The following HNF4A variants were observed in gnomAD, a reference collection of about 807,000 sequenced individuals.
The protein encoded by HNF4A is hepatocyte nuclear factor 4 alpha.
Under a neutral mutation model 52.4 loss-of-function variants are expected in HNF4A, and 15 were observed. The ratio of observed to expected loss-of-function variants is 0.29; its 90% CI spans 0.19 to 0.44. The LOEUF is 0.44. Ranked by LOEUF, HNF4A falls within the 20% of genes least tolerant of loss-of-function variation. The pLI is 1.00. For synonymous variants in HNF4A, 280 were observed against 264.4 expected (o/e 1.06, Z -0.57); for missense variants, 479 against 647.2 (o/e 0.74, Z 2.82).
chr20:44,364,857 C>T (rs1178584364), intron 1 of HNF4A, among the ~76,000 whole-genome samples: 1 of 152,168 alleles, frequency 6.6e-6, no homozygotes, highest in Non-Finnish European at 1.5e-5. Context: ...GTTTATTGAC[C>T]TCTGTGGCAT....
intron 1 of HNF4A, among the ~76,000 whole-genome samples, chr20:44,394,442 G>T (rs2063334142): frequency 6.6e-6 from 1 of 152,104 alleles, no homozygotes; most frequent in African/African-American, 2.4e-5. Context: ...GTTGAAGCTG[G>T]GCCTGTGGAT....
intron 8 of HNF4A, among the ~76,000 whole-genome samples, chr20:44,425,050 T>A (rs1184113848): frequency 6.6e-6 from 1 of 152,226 alleles, no homozygotes; most frequent in Non-Finnish European, 1.5e-5. Context: ...GGCACAATCT[T>A]GGCTGACTGC....
In HNF4A at chr20:44,401,574, G is replaced by A. The variant is rs1285984685; in HGVS notation, c.115+87G>A. ...CAGATCTTTGGCACTCAACTTTGGG[G>A]TGGGAGGAGAATGATACAAAATGGT... On this transcript the variant is annotated intron_variant, in intron 1 of 9. Transcript: ENST00000316099. The A allele has an allele frequency of 2.6e-6, 4 of 1,518,476 alleles. No individual in the cohort carries two copies. The East Asian group carries it at 9.3e-5, about 35-fold the overall frequency. The allele number at this position is 1,518,476 out of a possible 1,614,324, so 94.1% of individuals were successfully genotyped here.
At position 44,430,352 on chromosome 20, in the gene HNF4A, C is replaced by CAAG. The variant is rs2063863873; in HGVS notation, c.*687_*688insAAG. ...TCTCCTCCAACCCAACCTCATCCTC[C>CAAG]TTCTTCAGGGACTTGGGTGGGTACT... is the stretch of plus-strand genomic sequence containing the variant. On this transcript the variant is annotated 3_prime_UTR_variant, in exon 10 of 10. Coordinates refer to ENST00000316099, the MANE Select transcript of HNF4A (RefSeq NM_000457.6). The CAAG allele has an allele frequency of 1.3e-5, 2 of 152,486 alleles. No individual in the cohort carries two copies. The highest frequency in any genetic ancestry group is 2.4e-5 in the African/African-American group (1 of 41,454). The allele number at this position is 152,486 out of a possible 1,614,324, so 9.4% of individuals were successfully genotyped here.
intron 1 of HNF4A, among the ~76,000 whole-genome samples, chr20:44,381,275 A>AG (rs2063149916): frequency 7.6e-6 from 1 of 131,770 alleles, no homozygotes; most frequent in African/African-American, 3.0e-5. Flanking sequence ...GGAATCAGTG[A>AG]GAGCTTTTTT....
chr20:44,423,767 G>A (rs746211376), intron 7 of HNF4A, among the ~76,000 whole-genome samples: 1 of 152,184 alleles, frequency 6.6e-6, no homozygotes, highest in Non-Finnish European at 1.5e-5. Context: ...CTCAAGTCCC[G>A]CCCTCCATCT....
intron 1 of HNF4A, chr20:44,390,774 G>A (rs2063293227): frequency 1.5e-6 from 1 of 661,310 alleles, no homozygotes; most frequent in Admixed American, 2.2e-5. Context: ...TGGGAGCAGT[G>A]TGGAGGATTT....
intron 1 of HNF4A, among the ~76,000 whole-genome samples, 183 bp from the exon 2 acceptor site, chr20:44,405,875 A>G (rs557161517): frequency 6.6e-6 from 1 of 152,178 alleles, no homozygotes; most frequent in Non-Finnish European, 1.5e-5. Context: ...AACCAGCCCC[A>G]GTTTACAGAT....
intron 3 of HNF4A, among the ~76,000 whole-genome samples, chr20:44,409,712 C>T (rs983998224): frequency 6.6e-6 from 1 of 152,138 alleles, no homozygotes; most frequent in Non-Finnish European, 1.5e-5. Flanking sequence ...TCTAGTTTTC[C>T]CATCTATAAA....
At chr20:44,392,773 C>A (rs1045673585) in intron 1 of HNF4A, among the ~76,000 whole-genome samples, 3 of 152,198 alleles carry the variant, frequency 2.0e-5, no homozygotes, top group Non-Finnish European at 4.4e-5. Context: ...CCCAAGGACA[C>A]ACAGTGGCTG....
Position 44,419,865 on chromosome 20 carries a change from T to G in HNF4A, c.881T>G (p.Phe294Cys). The change falls in exon 7 of 10, where the codon TTC becomes TGC. Residue 294 changes from phenylalanine (F) to cysteine (C), a missense_variant. Around this residue, in one of 3 missense-constraint regions of HNF4A, gnomAD observed 389 missense variants for 525.1 expected, o/e 0.74. Coordinates refer to ENST00000316099, the MANE Select transcript of HNF4A (RefSeq NM_000457.6). ...TATGCCTACCTCAAAGCCATCATCT[T>G]CTTTGACCCAGGTACAGTGCACACC... 6.2e-7 allele frequency: 1 copy of G among 1,614,134 alleles called. No homozygotes were observed. The highest frequency in any genetic ancestry group is 8.5e-7 in the Non-Finnish European group (1 of 1,180,002).
chr20:44,369,897 G>C (rs1476977776), intron 1 of HNF4A, among the ~76,000 whole-genome samples: 1 of 152,150 alleles, frequency 6.6e-6, no homozygotes, highest in Non-Finnish European at 1.5e-5. Context: ...CCTCCCGTGA[G>C]CCGCCGCGCC....
chr20:44,389,940 G>A (rs1268522324), intron 1 of HNF4A: 1 of 152,472 alleles, frequency 6.6e-6, no homozygotes, highest in Non-Finnish European at 1.5e-5. Context: ...GAGGGCAAAT[G>A]TGCAGTGTGG....
chr20:44,387,924 A>G (rs1438972459), intron 1 of HNF4A, among the ~76,000 whole-genome samples: 5 of 152,084 alleles, frequency 3.3e-5, no homozygotes, highest in Non-Finnish European at 5.9e-5. Context: ...TGAATAATTG[A>G]GAGAAGGTGG....
chr20:44,387,406 G>A (rs114151808), intron 1 of HNF4A, among the ~76,000 whole-genome samples: 243 of 151,358 alleles, frequency 1.6e-3, no homozygotes, highest in African/African-American at 5.6e-3. Context: ...CTGCTGATAG[G>A]GGTGGGGGCA....
chr20:44,373,822 TG>T (rs1370729494), intron 1 of HNF4A, among the ~76,000 whole-genome samples: 1 of 152,122 alleles, frequency 6.6e-6, no homozygotes, highest in African/African-American at 2.4e-5. Flanking sequence ...CCTGAGTAGC[TG>T]GAACTACAGG....
At chr20:44,428,024 C>T (rs2063832490) in intron 8 of HNF4A, among the ~76,000 whole-genome samples, 2 of 152,198 alleles carry the variant, frequency 1.3e-5, no homozygotes, top group African/African-American at 4.8e-5. Context: ...TTGATTACAT[C>T]CATTATGTTA....
rs140735921 is a variant in HNF4A, at chr20:44,371,698, G to A, written c.49+15845G>A. Among the ~76,000 whole-genome samples the A allele has an allele frequency of 4.2e-3, 638 of 152,110 alleles. 5 individuals are homozygous for A. The highest frequency in any genetic ancestry group is 0.015 in the African/African-American group (603 of 41,510). On this transcript the variant is annotated intron_variant, in intron 1 of 9. Transcript: ENST00000316673. ...AAATTAGCCAGGCATGCTGGAGCAC[G>A]CCTGTAATCCCAGCTACTTAGGAGG...
chr20:44,408,719 T>G (rs922027399), intron 3 of HNF4A, among the ~76,000 whole-genome samples: 1 of 151,870 alleles, frequency 6.6e-6, no homozygotes, highest in Admixed American at 6.6e-5. Context: ...ACAGCGAGAC[T>G]CTCTCAAAAA....
Sources: gnomAD v4.1 joint callset for allele counts (sites outside exome capture counted in the v4.1 genomes callset) on GRCh38, gnomAD v4.1.1 for gene constraint, gnomAD v4.1.1 regional missense constraint, MANE v1.5 for transcripts, NCBI Gene and HGNC (gene_info 2026-07-23, HGNC 2026-07-21) for gene names.